The following APOL3 variants were observed in gnomAD, a reference collection of about 807,000 sequenced individuals.
The protein encoded by APOL3 is apolipoprotein L3, also known as TNF-inducible protein CG12-1.
Under a neutral mutation model 11.6 loss-of-function variants are expected in APOL3, and 14 were observed. The ratio of observed to expected loss-of-function variants is 1.21; its 90% CI spans 0.80 to 1.89. The LOEUF (loss-of-function observed/expected upper bound fraction) is 1.89, where lower values mean the gene tolerates loss of function less well. APOL3 is among the 40% of genes most tolerant of loss of function. The pLI is 0.00. For synonymous variants in APOL3, 192 were observed against 190.6 expected, an observed-to-expected ratio of 1.01 and a Z score of -0.06; for missense variants, 483 against 492.1, an observed-to-expected ratio of 0.98 and a Z score of 0.17.
At chr22:36,162,589 A>G (rs1475899846), upstream of APOL3, among the ~76,000 whole-genome samples, 1 of 152,132 alleles carries the variant, frequency 6.6e-6, no homozygotes, top group African/African-American at 2.4e-5. Flanking sequence ...CTTAAACTCT[A>G]TATAGAGGGG....
Position 36,152,291 on chromosome 22 carries a change from A to AAAG in APOL3, c.224-6695_224-6693dup, listed in dbSNP as rs2011864008. Among the ~76,000 whole-genome samples the AAAG allele has an allele frequency of 2.0e-5, 3 of 152,244 alleles. No individual in the cohort carries two copies. The South Asian group carries it at 6.2e-4, about 32-fold the overall frequency. ...GCAATTAGAAACATCAGGAAAAACT[A>AAAG]AAGCCGTGCAGCAAAACATGTGCAA... On this transcript the variant is annotated intron_variant, in intron 1 of 2. Coordinates refer to ENST00000349314, the Ensembl canonical transcript of APOL3.
chr22:36,145,385 G>T, intron 2 of APOL3, 88 bp downstream of exon 3: 4 of 1,502,948 alleles, frequency 2.7e-6, no homozygotes, highest in Non-Finnish European at 3.6e-6. Flanking sequence ...CTGCCTGGAG[G>T]AGGTGTGCCT....
chr22:36,161,813 C>T (rs556887624), upstream of APOL3, among the ~76,000 whole-genome samples: 64 of 152,006 alleles, frequency 4.2e-4, no homozygotes, highest in Non-Finnish European at 7.9e-4. Context: ...CTGAGCTTTT[C>T]AAGCTCTCTG....
exon 3 of APOL3, chr22:36,141,192 G>A: frequency 6.2e-7 from 1 of 1,610,682 alleles, no homozygotes. Flanking sequence ...GGCTGCACTG[G>A]TCTGGGGTCA....
At chr22:36,149,205 G>T in intron 1 of APOL3, 63 bp from the exon 2 acceptor site, 1 of 1,317,220 alleles carries the variant, frequency 7.6e-7, no homozygotes. Flanking sequence ...GAGGGAGGTT[G>T]GAGGGGCTGG....
chr22:36,154,482 G>A (rs2012400513), intron 1 of APOL3: 3 of 392,626 alleles, frequency 7.6e-6, no homozygotes, highest in South Asian at 5.9e-5. Flanking sequence ...TTGTTAATTG[G>A]TTTTAACAAG....
intron 1 of APOL3, among the ~76,000 whole-genome samples, chr22:36,155,518 G>A (rs2012629175): frequency 6.6e-6 from 1 of 152,116 alleles, no homozygotes; most frequent in Admixed American, 6.5e-5. Flanking sequence ...GAGGCACTAG[G>A]GGAGTGTGCT....
chr22:36,152,007 C>T (rs901877698), intron 1 of APOL3, among the ~76,000 whole-genome samples: 16 of 147,912 alleles, frequency 1.1e-4, no homozygotes, highest in South Asian at 2.1e-4. Context: ...TGTGTGTGCA[C>T]GCACACTCAT....
At chr22:36,160,932 T>C (rs1268675004), upstream of APOL3, 3 of 1,584,864 alleles carry the variant, frequency 1.9e-6, no homozygotes, top group Non-Finnish European at 2.6e-6. Flanking sequence ...CTCCTGCTGA[T>C]CCAAGAGCAG....
chr22:36,160,967 C>G (rs1391551800), upstream of APOL3: 20 of 1,296,302 alleles, frequency 1.5e-5, no homozygotes, highest in Non-Finnish European at 2.1e-5. Flanking sequence ...CTTGGCCAAC[C>G]CACCTGCCTC....
intron 1 of APOL3, 22 bp from the exon 3 acceptor site, chr22:36,145,621 A>G (rs758182865): frequency 1.2e-6 from 2 of 1,612,016 alleles, no homozygotes; most frequent in East Asian, 2.2e-5. Flanking sequence ...CAAAAAGCAT[A>G]AGATTGGAAG....
chr22:36,162,380 T>A (rs2013749542), upstream of APOL3, among the ~76,000 whole-genome samples: 1 of 152,160 alleles, frequency 6.6e-6, no homozygotes, highest in Admixed American at 6.5e-5. Flanking sequence ...TCACCCCAAG[T>A]TCATTATACC....
chr22:36,141,387 C>T (rs2059980013), exon 3 of APOL3: 1 of 1,614,208 alleles, frequency 6.2e-7, no homozygotes, highest in South Asian at 1.1e-5. Flanking sequence ...AGTGGTCGCA[C>T]TCAGGATCCG....
rs1243152476 is a variant in APOL3 at position 36,145,020 on chromosome 22, AAAAAAG to A, written c.350+447_350+452del. 1.8e-4 allele frequency among the ~76,000 whole-genome samples: 18 copies of A among 98,826 alleles called. 1 individual carries two copies. The highest frequency in any genetic ancestry group is 6.4e-4 in the African/African-American group (18 of 28,198). 64.8% of individuals were successfully genotyped at this position (98,826 alleles called of 152,430 possible). A position where few individuals can be genotyped will look rare whatever the true frequency, so the allele number is the denominator to read the frequency against. On this transcript the variant is annotated intron_variant, in intron 2 of 2. Coordinates refer to ENST00000349314, the Ensembl canonical transcript of APOL3. ...GCAAGACTCTGTCTCAAAAAAAAAA[AAAAAAG>A]AAAAAAAAAGAAAAAAAAAGAAAAA...
chr22:36,161,315 A>G (rs1456208844), upstream of APOL3, among the ~76,000 whole-genome samples: 1 of 152,152 alleles, frequency 6.6e-6, no homozygotes, highest in Non-Finnish European at 1.5e-5. Context: ...CCTCCTGAGT[A>G]GCTGGGACTA....
At chr22:36,149,471 C>T (rs1417533316) in intron 1 of APOL3, 9 of 1,109,268 alleles carry the variant, frequency 8.1e-6, no homozygotes, top group East Asian at 1.2e-4. Flanking sequence ...TGGGAAGGAA[C>T]GTTCTGACAA....
chr22:36,153,585 G>C (rs763009671), intron 1 of APOL3, among the ~76,000 whole-genome samples: 1 of 152,124 alleles, frequency 6.6e-6, no homozygotes, highest in Non-Finnish European at 1.5e-5. Flanking sequence ...ACGTCTTGTG[G>C]GGAACCAAAT....
intron 1 of APOL3, among the ~76,000 whole-genome samples, chr22:36,158,969 G>A (rs895827814): frequency 3.6e-5 from 1 of 28,000 alleles, no homozygotes; most frequent in Non-Finnish European, 1.4e-4. Flanking sequence ...GAGTGTGCGT[G>A]TGTGTGTGTG....
chr22:36,165,809 G>C (rs752406170), upstream of APOL3: 28 of 152,322 alleles, frequency 1.8e-4, no homozygotes, highest in Admixed American at 3.9e-4. Context: ...GAAGTAGCCA[G>C]ATTAATTGTC....
Sources: allele counts gnomAD v4.1 joint callset (sites outside exome capture counted in the v4.1 genomes callset), GRCh38; gene constraint gnomAD v4.1.1; transcripts MANE v1.5; gene names NCBI Gene and HGNC (gene_info 2026-07-23, HGNC 2026-07-21).